Variants in TBCB observed in about 807,000 individuals in gnomAD.
TBCB encodes tubulin-folding cofactor B.
In TBCB, 18 loss-of-function variants were observed where a neutral mutation model predicts 29.2. The ratio of observed to expected loss-of-function variants is 0.62; its 90% CI spans 0.43 to 0.91. The LOEUF (loss-of-function observed/expected upper bound fraction) is 0.91, where lower values mean the gene tolerates loss of function less well. TBCB is among the 40% of genes least tolerant of loss of function. The pLI, the probability that TBCB is intolerant of heterozygous loss-of-function variation, is 0.00. For missense variants in TBCB, 336 were observed against 337.6 expected (o/e 1.00, Z 0.04); for synonymous variants, 172 against 137.8 (o/e 1.25, Z -1.74).
Position 36,115,485 on chromosome 19 carries a change from A to C in TBCB, c.-76A>C. 9 of 1,135,024 alleles carry C rather than the reference A, an allele frequency of 7.9e-6. No homozygotes were observed. The highest frequency in any genetic ancestry group is 1.4e-5 in the South Asian group (1 of 71,826). The allele number at this position is 1,135,024 out of a possible 1,614,324, so 70.3% of individuals were successfully genotyped here. ...GAGGCGGGGCTGATAGCCCAGCAGCAGCAGCGGCGGCGGCGGCTGCGGAGC... is the reference window on the plus strand; with the variant it reads ...GAGGCGGGGCTGATAGCCCAGCAGCCGCAGCGGCGGCGGCGGCTGCGGAGC... On this transcript the variant is annotated 5_prime_UTR_variant, in exon 1 of 6. Transcript: ENST00000221855.
At chr19:36,114,998 T>A, upstream of TBCB, 1 of 772,594 alleles carries the variant, frequency 1.3e-6, no homozygotes, top group Non-Finnish European at 2.1e-6. This position sits in a 1 kb window ranked among gnomAD's most constrained non-coding sequence, Gnocchi z 4.5. Context: ...CGCCTCGGGC[T>A]CGGCTCTCTC....
Position 36,116,034 on chromosome 19 carries a change from C to T in TBCB, c.115-7C>T. On this transcript the variant is annotated splice_region_variant and splice_polypyrimidine_tract_variant and intron_variant, in intron 1 of 5. Transcript: ENST00000221855. The stretch of plus-strand genomic sequence containing the variant: ...CTCCTTCTTCTCACCCTGCCTCCTC[C>T]TCACAGTGTAAACTGGAGTTGCTGG... 1.2e-6 allele frequency: 2 copies of T among 1,612,640 alleles called. No homozygotes were observed. The highest frequency in any genetic ancestry group is 1.7e-6 in the Non-Finnish European group (2 of 1,178,834).
At chr19:36,119,372 C>T (rs1175577598) in intron 2 of TBCB, among the ~76,000 whole-genome samples, 1 of 152,168 alleles carries the variant, frequency 6.6e-6, no homozygotes, top group Non-Finnish European at 1.5e-5. Flanking sequence ...CTCTCTCCCT[C>T]ACCCCCACAT....
chr19:36,124,878 C>T (rs1418769780), intron 4 of TBCB, among the ~76,000 whole-genome samples: 1 of 152,166 alleles, frequency 6.6e-6, no homozygotes, highest in Non-Finnish European at 1.5e-5. Context: ...TGTTCATGTC[C>T]TTTGGCCATG....
chr19:36,115,575 G>C lies in TBCB; in HGVS notation c.15G>C (p.Gly5=). Residue 5 remains glycine (G), a synonymous_variant, in exon 1 of 6, where the codon GGG becomes GGC. Transcript: ENST00000221855. MEVT[G]VSAPTVTVFI... is the part of the protein sequence containing the mutation. ...GGCGCGGCAAGATGGAGGTGACGGG[G>C]GTGTCGGCACCCACGGTGACCGTTT... 1 of 1,608,854 alleles carries C rather than the reference G, an allele frequency of 6.2e-7. No individual in the cohort carries two copies. Among genetic ancestry groups the C allele is most frequent in the Non-Finnish European group, 8.5e-7 (1 of 1,177,982 alleles).
chr19:36,125,774 G>C lies in TBCB; in HGVS notation c.727G>C (p.Glu243Gln), dbSNP rs749914527. 1 of 1,530,854 alleles carries C rather than the reference G, an allele frequency of 6.5e-7. No individual in the cohort carries two copies. The highest frequency in any genetic ancestry group is 1.3e-5 in the South Asian group (1 of 76,878). 94.8% of individuals were successfully genotyped at this position (1,530,854 alleles called of 1,614,324 possible). ...DFPEEDYGLDEI is the reference protein window; with the variant it reads ...DFPEEDYGLDQI ...CCCGGAGGAGGACTACGGGTTGGAC[G>C]AGATATGACACCTAAGGAATTCCCC... Residue 243 changes from glutamate (E) to glutamine (Q), a missense_variant, in exon 6 of 6, where the codon GAG (glutamate) becomes CAG (glutamine). Glu to Gln is a conservative substitution (Grantham distance 29, BLOSUM62 2). Coordinates refer to ENST00000221855, the MANE Select transcript of TBCB (RefSeq NM_001281.3).
At chr19:36,119,762 G>C (rs1974012943) in intron 2 of TBCB, among the ~76,000 whole-genome samples, 1 of 152,124 alleles carries the variant, frequency 6.6e-6, no homozygotes, top group South Asian at 2.1e-4. Flanking sequence ...GTGTGGTGGT[G>C]TGTGCCTATA....
At position 36,115,487 on chromosome 19, in the gene TBCB, C is replaced by G. The variant is rs1973930788; in HGVS notation, c.-74C>G. On this transcript the variant is annotated 5_prime_UTR_variant, in exon 1 of 6. Coordinates refer to ENST00000221855, the MANE Select transcript of TBCB (RefSeq NM_001281.3). ...GGCGGGGCTGATAGCCCAGCAGCAG[C>G]AGCGGCGGCGGCGGCTGCGGAGCGG... 1 of 1,166,826 alleles carries G rather than the reference C, an allele frequency of 8.6e-7. No homozygotes were observed. Among genetic ancestry groups the G allele is most frequent in the Non-Finnish European group, 1.2e-6 (1 of 809,046 alleles). The allele number at this position is 1,166,826 out of a possible 1,614,324, so 72.3% of individuals were successfully genotyped here.
At chr19:36,122,671 C>T (rs1293763751) in intron 4 of TBCB, among the ~76,000 whole-genome samples, 1 of 148,534 alleles carries the variant, frequency 6.7e-6, no homozygotes, top group Non-Finnish European at 1.5e-5. Context: ...GGGAGGATGG[C>T]TTGAGCCCGG....
chr19:36,115,773 C>G, intron 1 of TBCB, 99 bp downstream of exon 1: 2 of 1,258,632 alleles, frequency 1.6e-6, no homozygotes, highest in Non-Finnish European at 2.2e-6. Flanking sequence ...ACTGGGCGGG[C>G]CCGGAGGTGA....
intron 4 of TBCB, among the ~76,000 whole-genome samples, chr19:36,124,545 G>GT (rs1195082231): frequency 6.6e-6 from 1 of 150,832 alleles, no homozygotes; most frequent in Non-Finnish European, 1.5e-5. Flanking sequence ...GTTTGGTTTT[G>GT]TTTTTTTTCT....
At chr19:36,125,406 C>G (rs779768883) in intron 4 of TBCB, 45 bp from the exon 5 acceptor site, 2 of 1,604,580 alleles carry the variant, frequency 1.2e-6, no homozygotes, top group African/African-American at 2.7e-5. Flanking sequence ...ATGGGGATTT[C>G]TTCTATGTCC....
At chr19:36,117,659 T>G (rs1973978041) in intron 2 of TBCB, 1 of 151,896 alleles carries the variant, frequency 6.6e-6, no homozygotes, top group Admixed American at 6.6e-5. Flanking sequence ...GCCCTGTGAA[T>G]CATTGTTGAA....
chr19:36,116,303 C>T (rs1973953619), intron 2 of TBCB, 119 bp downstream of exon 2: 3 of 1,336,430 alleles, frequency 2.2e-6, no homozygotes, highest in Admixed American at 2.0e-5. Flanking sequence ...CGTGGAGCCT[C>T]CAGTGCAGCC....
intron 2 of TBCB, among the ~76,000 whole-genome samples, chr19:36,117,059 C>G (rs1270956292): frequency 1.3e-5 from 2 of 152,326 alleles, no homozygotes; most frequent in East Asian, 1.9e-4. Context: ...CTCACCCTTC[C>G]TTCCTGTCTT....
Position 36,116,196 on chromosome 19 carries a change from C to T in TBCB, c.258+12C>T, listed in dbSNP as rs745915124. 2 of 1,611,600 alleles carry T rather than the reference C, an allele frequency of 1.2e-6. No homozygotes were observed. Among genetic ancestry groups the T allele is most frequent in the African/African-American group, 1.3e-5 (1 of 74,880 alleles). On this transcript the variant is annotated intron_variant, in intron 2 of 5. Transcript: ENST00000221855. Reference sequence around the variant, plus strand: ...GCTGCCGCATCCACGTGAGGACTCTCTATCTGGGACACTCCCCCACCCCAC... The same window carrying T: ...GCTGCCGCATCCACGTGAGGACTCTTTATCTGGGACACTCCCCCACCCCAC...
chr19:36,125,515 T>C lies in TBCB; in HGVS notation c.612T>C (p.Asn204=), dbSNP rs1974122981. The C allele has an allele frequency of 6.2e-7, 1 of 1,614,028 alleles. No homozygotes were observed. Among genetic ancestry groups the C allele is most frequent in the East Asian group, 2.2e-5 (1 of 44,894 alleles). Residue 204 remains asparagine (N), a synonymous_variant, in exon 5 of 6, where the codon AAT becomes AAC. Transcript: ENST00000221855. The stretch of plus-strand genomic sequence containing the variant: ...GCTATGATGAGCCACTGGGGAAAAA[T>C]GATGGCAGGTAACAAGAATTCCCAC... The part of the protein sequence containing the change: ...GVRYDEPLGK[N]DGSVNGKRYF...
intron 4 of TBCB, among the ~76,000 whole-genome samples, chr19:36,123,250 T>C (rs565869005): frequency 8.7e-5 from 12 of 137,436 alleles, no homozygotes; most frequent in Non-Finnish European, 1.8e-4. Context: ...CTATGAACCT[T>C]CTTCTTTTTT....
chr19:36,122,186 C>T (rs1974066841), intron 4 of TBCB: 1 of 225,586 alleles, frequency 4.4e-6, no homozygotes, highest in Admixed American at 5.3e-5. Context: ...GAGCAGAGCG[C>T]AGGAGGTCCA....
Sources: gnomAD v4.1 joint callset for allele counts (sites outside exome capture counted in the v4.1 genomes callset) on GRCh38, gnomAD v4.1.1 for gene constraint, Gnocchi (gnomAD v3.1) non-coding constraint, MANE v1.5 for transcripts, NCBI Gene and HGNC (gene_info 2026-07-23, HGNC 2026-07-21) for gene names.